EYS: variants seen among roughly 807,000 people sequenced by gnomAD.
EYS encodes the protein protein eyes shut homolog.
In EYS, 250 loss-of-function variants were observed where a neutral mutation model predicts 282.1. The observed-to-expected ratio is 0.89, with a 90% CI of 0.80 to 0.98. The LOEUF (loss-of-function observed/expected upper bound fraction) is 0.98, where lower values mean the gene tolerates loss of function less well. Ranked by LOEUF, EYS falls within the 50% of genes least tolerant of loss-of-function variation. EYS has a pLI of 0.00. For synonymous variants in EYS, 1,355 were observed against 1,282.9 expected, an observed-to-expected ratio of 1.06 and a Z score of -1.20; for missense variants, 4,016 against 3,709.0, an observed-to-expected ratio of 1.08 and a Z score of -2.15.
Position 64,644,604 on chromosome 6 carries a change from T to C in EYS, c.3444-18359A>G, listed in dbSNP as rs147979554. On this transcript the variant is annotated intron_variant, in intron 22 of 42. Transcript: ENST00000503581. ...GATTTATACTTATATTTAACCATTT[T>C]AAATACACTAATATCCAGAGAAGTA... 1.3e-5 allele frequency among the ~76,000 whole-genome samples: 2 copies of C among 152,288 alleles called. 1 individual carries two copies. Among genetic ancestry groups the C allele is most frequent in the Non-Finnish European group, 2.9e-5 (2 of 68,008 alleles).
intron 14 of EYS, among the ~76,000 whole-genome samples, chr6:64,952,162 A>T (rs1488907618): frequency 1.3e-5 from 2 of 151,952 alleles, no homozygotes; most frequent in African/African-American, 4.8e-5. Context: ...ATCATAATGG[A>T]GTGAAAGAAA....
chr6:65,401,891 G>C (rs1312223785), intron 7 of EYS, among the ~76,000 whole-genome samples: 2 of 151,870 alleles, frequency 1.3e-5, no homozygotes, highest in Non-Finnish European at 2.9e-5. Flanking sequence ...AGTATAAATT[G>C]TATTTCTTAA....
chr6:63,775,027 A>T (rs1025463853), intron 40 of EYS, among the ~76,000 whole-genome samples: 3 of 152,132 alleles, frequency 2.0e-5, no homozygotes, highest in Non-Finnish European at 2.9e-5. Flanking sequence ...CTTGGCTACT[A>T]AGAACAGAAA....
At chr6:64,195,492 G>A (rs4529286) in intron 31 of EYS, among the ~76,000 whole-genome samples, 46,308 of 151,810 alleles carry the variant, frequency 0.31, 7,133 homozygotes, top group East Asian at 0.5. Flanking sequence ...TAGTAGAGAC[G>A]GGGTTTCACC....
rs533976360 is a variant in EYS at position 63,960,751 on chromosome 6, G to A, written c.7055+23632C>T. ...CTTAAATGGTCATTAGCATTTTTTA[G>A]TAATAAAGTATTTTTAAATTAAGGT... On this transcript the variant is annotated intron_variant, in intron 35 of 42. Transcript: ENST00000503581. Among the ~76,000 whole-genome samples, 270 of 152,312 alleles carry A rather than the reference G, an allele frequency of 1.8e-3. 1 individual carries two copies. The highest frequency in any genetic ancestry group is 3.1e-3 in the Non-Finnish European group (211 of 68,024).
intron 12 of EYS, among the ~76,000 whole-genome samples, chr6:65,199,021 C>A (rs369014327): frequency 1.3e-5 from 2 of 152,142 alleles, no homozygotes; most frequent in East Asian, 3.9e-4. Flanking sequence ...AGCATTATTT[C>A]TCCTTGGGGT....
At chr6:64,605,011 C>T (rs960023973) in intron 24 of EYS, among the ~76,000 whole-genome samples, 12 of 151,944 alleles carry the variant, frequency 7.9e-5, no homozygotes, top group Non-Finnish European at 1.5e-4. Context: ...CCAGGTGATT[C>T]CTCAGTTCAA....
intron 2 of EYS, among the ~76,000 whole-genome samples, chr6:65,578,124 C>T (rs1764739109): frequency 6.6e-6 from 1 of 151,850 alleles, no homozygotes; most frequent in African/African-American, 2.4e-5. Context: ...GATATGTCTA[C>T]ACTGCACTTT....
At chr6:65,030,423 C>T (rs1396192643) in intron 13 of EYS, among the ~76,000 whole-genome samples, 1 of 152,168 alleles carries the variant, frequency 6.6e-6, no homozygotes, top group Non-Finnish European at 1.5e-5. Context: ...CCCCACACCA[C>T]TATGCTGGCA....
chr6:63,940,938 G>T (rs1019462971), intron 35 of EYS, among the ~76,000 whole-genome samples: 1 of 150,538 alleles, frequency 6.6e-6, no homozygotes, highest in African/African-American at 2.4e-5. Flanking sequence ...GCAGTGTTTG[G>T]TTTTCTGTCC....
intron 23 of EYS, among the ~76,000 whole-genome samples, chr6:64,618,667 T>C (rs1767349430): frequency 6.6e-6 from 1 of 152,182 alleles, no homozygotes; most frequent in African/African-American, 2.4e-5. Flanking sequence ...AAATAGGGCC[T>C]GAGTCTAAAA....
chr6:64,274,236 T>A (rs960553115), intron 30 of EYS, among the ~76,000 whole-genome samples: 1 of 152,188 alleles, frequency 6.6e-6, no homozygotes, highest in Non-Finnish European at 1.5e-5. Context: ...AGTGCAGTAG[T>A]GTGATCTCAG....
intron 12 of EYS, among the ~76,000 whole-genome samples, chr6:65,237,194 A>G (rs1219202787): frequency 1.3e-5 from 2 of 152,198 alleles, no homozygotes; most frequent in Non-Finnish European, 2.9e-5. Context: ...ATAAATTTGT[A>G]TAAAAATTAG....
At position 64,965,404 on chromosome 6, in the gene EYS, T is replaced by C. The variant is rs193042424; in HGVS notation, c.2260-19490A>G. Among the ~76,000 whole-genome samples the C allele has an allele frequency of 2.0e-5, 3 of 152,018 alleles. No homozygotes were observed. In the East Asian group the frequency reaches 5.8e-4, roughly 29 times the overall value. On this transcript the variant is annotated intron_variant, in intron 14 of 42. Transcript: ENST00000503581. The stretch of plus-strand genomic sequence containing the variant: ...ATATATTATATATGTTATTACAATG[T>C]AAATGTATATATATTTTATTTTTTA...
intron 2 of EYS, among the ~76,000 whole-genome samples, chr6:65,627,556 C>T (rs1224375875): frequency 6.6e-6 from 1 of 152,152 alleles, no homozygotes; most frequent in Non-Finnish European, 1.5e-5. Context: ...CCGGGGCTGC[C>T]TGCCGCGCTT....
At chr6:63,944,777 T>A (rs1229129068) in intron 35 of EYS, among the ~76,000 whole-genome samples, 1 of 150,806 alleles carries the variant, frequency 6.6e-6, no homozygotes, top group Non-Finnish European at 1.5e-5. Context: ...AAAATAAAAA[T>A]AAAAAAAATA....
chr6:65,249,006 T>A (rs1253941258), intron 12 of EYS, among the ~76,000 whole-genome samples: 1 of 151,732 alleles, frequency 6.6e-6, no homozygotes, highest in Non-Finnish European at 1.5e-5. Context: ...GCATATCCAA[T>A]TAAGTTGATT....
At chr6:63,812,229 G>A (rs1350599995) in intron 36 of EYS, among the ~76,000 whole-genome samples, 2 of 152,112 alleles carry the variant, frequency 1.3e-5, no homozygotes, top group African/African-American at 4.8e-5. Flanking sequence ...ACTTCTTCGT[G>A]TTTCTCAAGC....
intron 13 of EYS, among the ~76,000 whole-genome samples, chr6:65,050,440 A>G (rs1383827995): frequency 1.3e-5 from 2 of 151,504 alleles, no homozygotes; most frequent in African/African-American, 4.8e-5. Context: ...CTTATTATGG[A>G]CTCAGTATTT....
Sources: allele counts gnomAD v4.1 joint callset (sites outside exome capture counted in the v4.1 genomes callset), GRCh38; gene constraint gnomAD v4.1.1; transcripts MANE v1.5; gene names NCBI Gene and HGNC (gene_info 2026-07-23, HGNC 2026-07-21).